ZNF878: variants seen among roughly 807,000 people sequenced by gnomAD.
The protein encoded by ZNF878 is zinc finger protein 878.
ZNF878 carries 10 observed loss-of-function variants against 11.1 expected under a neutral mutation model. The observed-to-expected ratio is 0.90, with a 90% CI of 0.56 to 1.53. The LOEUF (loss-of-function observed/expected upper bound fraction) is 1.53. Ranked by LOEUF, ZNF878 falls within the 40% of genes most tolerant of loss-of-function variation. ZNF878 has a pLI of 0.00. For synonymous variants in ZNF878, 165 were observed against 209.7 expected, an observed-to-expected ratio of 0.79 and a Z score of 1.84; for missense variants, 548 against 626.1, an observed-to-expected ratio of 0.88 and a Z score of 1.33.
At chr19:12,051,521 C>T (rs1259586543) in intron 1 of ZNF878, among the ~76,000 whole-genome samples, 4 of 151,890 alleles carry the variant, frequency 2.6e-5, no homozygotes, top group Non-Finnish European at 2.9e-5. Context: ...CCACTGTAAT[C>T]CCAGCACTTT....
rs770956433 is a variant in ZNF878 at position 12,044,433 on chromosome 19, G to T, written c.968C>A (p.Ser323Tyr). The T allele has an allele frequency of 9.9e-6, 16 of 1,613,646 alleles. 1 individual carries two copies. In the Admixed American group the frequency reaches 2.3e-4, roughly 24 times the overall value. The change falls in exon 4 of 4, where the codon TCC becomes TAC. Residue 323 changes from serine (S) to tyrosine (Y), a missense_variant. Physicochemically the swap from Ser to Tyr is moderately radical, Grantham distance 144. Around this residue, in one of 3 missense-constraint regions of ZNF878, gnomAD observed 335 missense variants for 358.2 expected, o/e 0.94. Transcript: ENST00000547628. ...CKLCGKGFIS[S>Y]TSFRYHEKTH... ...CTTTTCATGATAGCGAAAGGAAGTG[G>T]AAGAAATAAATCCCTTACCACATAG...
chr19:12,049,131 C>T (rs1363100494), intron 1 of ZNF878, among the ~76,000 whole-genome samples: 1 of 137,930 alleles, frequency 7.3e-6, no homozygotes, highest in African/African-American at 2.8e-5. Context: ...CGAGAGGCAG[C>T]TCCGTCTCAA....
chr19:12,047,657 G>A (rs1319616499), intron 1 of ZNF878, among the ~76,000 whole-genome samples: 10 of 151,622 alleles, frequency 6.6e-5, no homozygotes, highest in African/African-American at 2.4e-4. Flanking sequence ...ACTGTATGTA[G>A]ATAGAAAAAC....
intron 3 of ZNF878, 56 bp from the exon 4 acceptor site, chr19:12,045,265 C>G: frequency 7.2e-7 from 1 of 1,383,858 alleles, no homozygotes; most frequent in Non-Finnish European, 9.7e-7. Context: ...AATTCCTTTG[C>G]AAGTATTACA....
In ZNF878 at chr19:12,044,395, C is replaced by T. The variant is rs1197474093; in HGVS notation, c.1006G>A (p.Glu336Lys). The T allele has an allele frequency of 3.7e-6, 6 of 1,613,924 alleles. No individual in the cohort carries two copies. In the East Asian group the frequency reaches 1.3e-4, roughly 36 times the overall value. The change falls in exon 4 of 4, where the codon GAG becomes AAG. Residue 336 changes from glutamate to lysine, a missense_variant. By Grantham distance (56) the Glu-to-Lys change is moderately conservative. This residue lies in a region of ZNF878 where 335 missense variants were observed against 358.2 expected (regional missense o/e 0.94). Coordinates refer to ENST00000547628, the MANE Select transcript of ZNF878 (RefSeq NM_001080404.3). ...CATTTTTTACATTCATAAGGTTTCT[C>T]TCCAGTGTGAGTCTTTTCATGATAG... is the stretch of plus-strand genomic sequence containing the variant. ...FRYHEKTHTG[E>K]KPYECKKCVK...
chr19:12,047,871 A>C (rs1444409292), intron 1 of ZNF878, among the ~76,000 whole-genome samples: 1 of 152,234 alleles, frequency 6.6e-6, no homozygotes, highest in African/African-American at 2.4e-5. Context: ...TGATCCATAC[A>C]TACACTCTAC....
chr19:12,046,778 T>G lies in ZNF878; in HGVS notation c.4-18A>C, dbSNP rs770842578. 2.5e-6 allele frequency: 4 copies of G among 1,613,434 alleles called. No homozygotes were observed. The highest frequency in any genetic ancestry group is 3.4e-6 in the Non-Finnish European group (4 of 1,179,650). The stretch of plus-strand genomic sequence containing the variant: ...ACCGAATCCTGAAATATCCCACATG[T>G]GGACAGGAGGATGAGTGAGGCTGAC... On this transcript the variant is annotated intron_variant, in intron 1 of 3. Coordinates refer to ENST00000547628, the MANE Select transcript of ZNF878 (RefSeq NM_001080404.3).
chr19:12,046,318 T>C lies in ZNF878; in HGVS notation c.191+50A>G, dbSNP rs2145522658. On this transcript the variant is annotated intron_variant, in intron 3 of 3. Transcript: ENST00000547628. The stretch of plus-strand genomic sequence containing the variant: ...TGCTTCTTTTTAACCTTTTCTTCCA[T>C]TCTAAGATTGTATACAGAGACATTG... 5 of 1,333,240 alleles carry C rather than the reference T, an allele frequency of 3.8e-6. No individual in the cohort carries two copies. In the East Asian group the frequency reaches 1.2e-4, roughly 33 times the overall value. 82.6% of individuals were successfully genotyped at this position (1,333,240 alleles called of 1,614,324 possible).
chr19:12,045,767 G>A (rs942094094), intron 3 of ZNF878, among the ~76,000 whole-genome samples: 20 of 151,846 alleles, frequency 1.3e-4, no homozygotes, highest in Middle Eastern at 3.4e-3. Flanking sequence ...TCACTCTGTC[G>A]TCAGGCTGGA....
In ZNF878 at chr19:12,044,146, C is replaced by A; in HGVS notation, c.1255G>T (p.Gly419Ter). ...VLQKHIRTHT[G>*]EKPYGCKQCG... ...TGCTTACATCCATAGGGTTTCTCTC[C>A]TGTGTGAGTTCGTATGTGCTTTTGA... Residue 419 changes from glycine (G) to a stop codon, truncating the protein, a stop_gained, in exon 4 of 4, where the codon GGA (glycine) becomes TGA (stop). Transcript: ENST00000547628. LOFTEE classifies it low-confidence loss of function (END_TRUNC). 1 of 1,613,910 alleles carries A rather than the reference C, an allele frequency of 6.2e-7. No individual in the cohort carries two copies. The highest frequency in any genetic ancestry group is 8.5e-7 in the Non-Finnish European group (1 of 1,179,992).
chr19:12,046,823 C>T (rs1975496706), intron 1 of ZNF878, 63 bp from the exon 2 acceptor site: 1 of 1,597,964 alleles, frequency 6.3e-7, no homozygotes, highest in African/African-American at 1.3e-5. Flanking sequence ...TTTCTATACC[C>T]TATTCCTAGG....
intron 1 of ZNF878, among the ~76,000 whole-genome samples, chr19:12,050,884 G>A (rs568780054): frequency 1.3e-5 from 2 of 150,336 alleles, no homozygotes; most frequent in African/African-American, 4.9e-5. Context: ...CACGAGGTCA[G>A]GAGATCGAGA....
Position 12,044,705 on chromosome 19 carries a change from A to G in ZNF878, c.696T>C (p.Cys232=). The G allele has an allele frequency of 1.9e-6, 3 of 1,614,124 alleles. No homozygotes were observed. Among genetic ancestry groups the G allele is most frequent in the Non-Finnish European group, 2.5e-6 (3 of 1,180,028 alleles). Residue 232 remains cysteine (C), a synonymous_variant, in exon 4 of 4, where the codon TGT becomes TGC. Transcript: ENST00000547628. ...AACTGGGAGAAAAAAAGGCTTTCCC[A>G]CATATGTTACATTTATGAGGTCTCT... is the stretch of plus-strand genomic sequence containing the variant. The part of the protein sequence containing the change: ...TGERPHKCNI[C]GKAFFSPSSL...
At chr19:12,050,735 A>C (rs974506767) in intron 1 of ZNF878, among the ~76,000 whole-genome samples, 4 of 152,194 alleles carry the variant, frequency 2.6e-5, no homozygotes, top group African/African-American at 9.6e-5. Context: ...TTCTTACACA[A>C]AGACTTCATG....
intron 1 of ZNF878, 72 bp downstream of exon 1, chr19:12,052,727 C>A: frequency 6.5e-7 from 1 of 1,529,380 alleles, no homozygotes; most frequent in Admixed American, 2.0e-5. Flanking sequence ...CCGGGCCCCG[C>A]CACAGCGGGT....
rs1369998368 is a variant in ZNF878 at position 12,044,468 on chromosome 19, A to G, written c.933T>C (p.Tyr311=). 1.2e-6 allele frequency: 2 copies of G among 1,613,822 alleles called. No homozygotes were observed. Among genetic ancestry groups the G allele is most frequent in the Non-Finnish European group, 1.7e-6 (2 of 1,179,982 alleles). The stretch of plus-strand genomic sequence containing the variant: ...ATCCCTTACCACATAGCTTACACTC[A>G]TAGGGTTTCTCTCCAGTGTGTTTTC... ...HERKHTGEKP[Y]ECKLCGKGFI... Residue 311 remains tyrosine (Y), a synonymous_variant, in exon 4 of 4, where the codon TAT becomes TAC. Transcript: ENST00000547628.
Position 12,044,551 on chromosome 19 carries a change from CAT to C in ZNF878, c.848_849del (p.Tyr283Ter), listed in dbSNP as rs767315864. The C allele has an allele frequency of 6.2e-7, 1 of 1,613,868 alleles. No individual in the cohort carries two copies. The highest frequency in any genetic ancestry group is 1.3e-5 in the African/African-American group (1 of 74,886). ...HERTHSGEKP[Y>X]ECTQCRKAFR... ...AAGGCTTTCCTACATTGTGTACACTCATAGGGTTTCTCTCCACTGTGAGTCCT... is the reference window on the plus strand; with the variant it reads ...AAGGCTTTCCTACATTGTGTACACTCAGGGTTTCTCTCCACTGTGAGTCCT... On this transcript the variant is annotated frameshift_variant, in exon 4 of 4. Coordinates refer to ENST00000547628, the MANE Select transcript of ZNF878 (RefSeq NM_001080404.3). LOFTEE classifies it low-confidence loss of function (END_TRUNC).
intron 1 of ZNF878, among the ~76,000 whole-genome samples, chr19:12,052,477 C>A (rs546630343): frequency 6.6e-6 from 1 of 152,352 alleles, no homozygotes; most frequent in African/African-American, 2.4e-5. Context: ...ACCCCACACC[C>A]GAGGCAGGAT....
chr19:12,052,114 G>C (rs763458362), intron 1 of ZNF878, among the ~76,000 whole-genome samples: 2 of 152,036 alleles, frequency 1.3e-5, no homozygotes, highest in South Asian at 2.1e-4. Context: ...CCCGCCTTTC[G>C]GCCAAAGGAA....
Sources: gnomAD v4.1 joint callset for allele counts (sites outside exome capture counted in the v4.1 genomes callset) on GRCh38, gnomAD v4.1.1 for gene constraint, gnomAD v4.1.1 regional missense constraint, MANE v1.5 for transcripts, NCBI Gene and HGNC (gene_info 2026-07-23, HGNC 2026-07-21) for gene names.